The following MBTPS2 variants were observed in gnomAD, a reference collection of about 807,000 sequenced individuals.
MBTPS2 encodes membrane-bound transcription factor site-2 protease.
MBTPS2 carries 2 observed loss-of-function variants against 35.4 expected under a neutral mutation model. The observed-to-expected ratio is 0.06, with a 90% confidence interval of 0.02 to 0.18. The LOEUF is 0.18. MBTPS2 is among the 10% of genes least tolerant of loss of function. The pLI, the probability that MBTPS2 is intolerant of heterozygous loss-of-function variation, is 1.00. For missense variants in MBTPS2, 244 were observed against 386.5 expected, an observed-to-expected ratio of 0.63 and a Z score of 3.09; for synonymous variants, 125 against 140.4, an observed-to-expected ratio of 0.89 and a Z score of 0.77.
intron 3 of MBTPS2, among the ~76,000 whole-genome samples, chrX:21,849,458 T>G (rs1303554571): frequency 8.9e-6 from 1 of 111,742 alleles, no homozygotes; most frequent in Non-Finnish European, 1.9e-5. Flanking sequence ...CATTGCAGAT[T>G]TGAATAAAAC....
intron 3 of MBTPS2, among the ~76,000 whole-genome samples, chrX:21,849,803 G>A (rs1304916952): frequency 9.6e-6 from 1 of 103,770 alleles, no homozygotes; most frequent in African/African-American, 3.5e-5. Flanking sequence ...GAGGAAGGCG[G>A]ATCACGAGGT....
intron 5 of MBTPS2, chrX:21,857,742 TGTTA>T: frequency 1.4e-6 from 1 of 705,437 alleles, no homozygotes; most frequent in Non-Finnish European, 2.1e-6. Context: ...GTTCGTGTTT[TGTTA>T]GAGTAGTAAA....
In MBTPS2 at chrX:21,874,622, C is replaced by T. The variant is rs146905520; in HGVS notation, c.971-3420C>T. ...CTATTTCTGTGACTATCTTCGGGCT[C>T]ATCTTAGGGTACATTCAAAATATAC... On this transcript the variant is annotated intron_variant, in intron 7 of 10. Coordinates refer to ENST00000379484, the MANE Select transcript of MBTPS2 (RefSeq NM_015884.4). 1.7e-3 allele frequency among the ~76,000 whole-genome samples: 194 copies of T among 111,577 alleles called. 1 individual carries two copies. Among genetic ancestry groups the T allele is most frequent in the Non-Finnish European group, 2.5e-3 (134 of 53,133 alleles).
chrX:21,859,688 A>T (rs1230244558), intron 5 of MBTPS2, among the ~76,000 whole-genome samples: 1 of 112,186 alleles, frequency 8.9e-6, no homozygotes, highest in Non-Finnish European at 1.9e-5. Flanking sequence ...CTAGAACTAA[A>T]GAAAAAGGGG....
rs979567480 is a variant in MBTPS2 at position 21,865,715 on chromosome X, G to T, written c.671-2752G>T. On this transcript the variant is annotated intron_variant, in intron 5 of 10. Coordinates refer to ENST00000379484, the MANE Select transcript of MBTPS2 (RefSeq NM_015884.4). Reference sequence around the variant, plus strand: ...TACTGTGAGTTATTCAAGGAATATTGAGTTGTTATTTTACCTATTCAGTCA... The same window carrying T: ...TACTGTGAGTTATTCAAGGAATATTTAGTTGTTATTTTACCTATTCAGTCA... Among the ~76,000 whole-genome samples the T allele has an allele frequency of 2.7e-5, 3 of 112,386 alleles. No individual in the cohort carries two copies. The East Asian group carries it at 8.3e-4, about 31-fold the overall frequency.
intron 5 of MBTPS2, among the ~76,000 whole-genome samples, chrX:21,855,233 A>T (rs1189395734): frequency 9.0e-6 from 1 of 111,684 alleles, no homozygotes. Flanking sequence ...GACAATTAGC[A>T]ATCAGATTGG....
intron 5 of MBTPS2, chrX:21,856,515 C>G: frequency 1.7e-6 from 2 of 1,210,741 alleles, no homozygotes; most frequent in Non-Finnish European, 2.2e-6. Context: ...CTCCATCACA[C>G]AAGACCTGGA....
intron 5 of MBTPS2, among the ~76,000 whole-genome samples, chrX:21,855,535 G>C (rs1004823064): frequency 9.1e-6 from 1 of 109,775 alleles, no homozygotes; most frequent in African/African-American, 3.3e-5. Context: ...AGGTTGAAGC[G>C]ATTCTCCTGC....
At chrX:21,876,758 A>G (rs2092953611) in intron 7 of MBTPS2, among the ~76,000 whole-genome samples, 1 of 111,649 alleles carries the variant, frequency 9.0e-6, no homozygotes, top group Non-Finnish European at 1.9e-5. Context: ...AAACAAAACA[A>G]AAAACTATTT....
At position 21,882,772 on chromosome X, in the gene MBTPS2, C is replaced by A; in HGVS notation, c.*117C>A. 8.7e-7 allele frequency: 1 copy of A among 1,151,597 alleles called. No individual in the cohort carries two copies. Among genetic ancestry groups the A allele is most frequent in the Non-Finnish European group, 1.2e-6 (1 of 864,002 alleles). 94.9% of individuals were successfully genotyped at this position (1,151,597 alleles called of 1,213,427 possible). A position where few individuals can be genotyped will look rare whatever the true frequency, so the allele number is the denominator to read the frequency against. Reference sequence around the variant, plus strand: ...ATAAAGTGTTTCCTTAAAATTACATCTTAGCCAACAACCCTGAGCTCCTCC... The same window carrying A: ...ATAAAGTGTTTCCTTAAAATTACATATTAGCCAACAACCCTGAGCTCCTCC... On this transcript the variant is annotated 3_prime_UTR_variant, in exon 11 of 11. Coordinates refer to ENST00000379484, the MANE Select transcript of MBTPS2 (RefSeq NM_015884.4).
rs866034224 is a variant in MBTPS2 at position 21,860,148 on chromosome X, C to T, written c.670+6645C>T. Among the ~76,000 whole-genome samples, 19 of 110,748 alleles carry T rather than the reference C, an allele frequency of 1.7e-4. No individual in the cohort carries two copies. In the South Asian group the frequency reaches 3.5e-3, roughly 20 times the overall value. On this transcript the variant is annotated intron_variant, in intron 5 of 10. Transcript: ENST00000379484. Reference sequence around the variant, plus strand: ...GAGGGGCTGGGCGCAGGGCTCCTGCCTGTAATCCCAGCACTGTGAGAGGCT... The same window carrying T: ...GAGGGGCTGGGCGCAGGGCTCCTGCTTGTAATCCCAGCACTGTGAGAGGCT...
chrX:21,855,339 A>G (rs1051856594), intron 5 of MBTPS2, among the ~76,000 whole-genome samples: 1 of 111,826 alleles, frequency 8.9e-6, no homozygotes, highest in East Asian at 2.8e-4. Context: ...TAAATATAAG[A>G]AAATAAAAAT....
chrX:21,876,681 G>A (rs778383928), intron 7 of MBTPS2, among the ~76,000 whole-genome samples: 1 of 111,141 alleles, frequency 9.0e-6, no homozygotes, highest in East Asian at 2.8e-4. Flanking sequence ...GAGATAGAGC[G>A]ACAGTGTATG....
chrX:21,877,787 G>T (rs1319936277), intron 7 of MBTPS2, among the ~76,000 whole-genome samples: 1 of 111,726 alleles, frequency 9.0e-6, no homozygotes. Flanking sequence ...TGCAACTCCG[G>T]CTTTATGGGT....
At chrX:21,873,094 G>A (rs1392243550) in intron 7 of MBTPS2, 1 of 111,595 alleles carries the variant, frequency 9.0e-6, no homozygotes, top group African/African-American at 3.3e-5. Context: ...ATCACACCCT[G>A]GAAGTGCTTG....
At chrX:21,862,570 G>A (rs1370577631) in intron 5 of MBTPS2, among the ~76,000 whole-genome samples, 1 of 108,986 alleles carries the variant, frequency 9.2e-6, no homozygotes, top group South Asian at 4.0e-4. Context: ...AGCACTTTGG[G>A]AGGCCGAGGC....
At chrX:21,877,929 G>C (rs1403884358) in intron 7 of MBTPS2, 113 bp from the exon 8 acceptor site, 5 of 523,851 alleles carry the variant, frequency 9.5e-6, no homozygotes, top group Non-Finnish European at 1.7e-5. Flanking sequence ...GAATTATACA[G>C]TTGCTTCTAA....
chrX:21,857,814 A>G, intron 5 of MBTPS2: 1 of 396,917 alleles, frequency 2.5e-6, no homozygotes, highest in South Asian at 8.4e-5. Context: ...TAGTGCTAAG[A>G]TGCCATAGCT....
intron 5 of MBTPS2, among the ~76,000 whole-genome samples, chrX:21,861,335 ACC>A (rs2147441861): frequency 8.9e-6 from 1 of 111,744 alleles, no homozygotes; most frequent in South Asian, 3.8e-4. Flanking sequence ...AATTTTTCAT[ACC>A]CTTGCAGATG....
Sources: allele counts gnomAD v4.1 joint callset (sites outside exome capture counted in the v4.1 genomes callset), GRCh38; gene constraint gnomAD v4.1.1; transcripts MANE v1.5; gene names NCBI Gene and HGNC (gene_info 2026-07-23, HGNC 2026-07-21).